MCTP2: variants seen among roughly 807,000 people sequenced by gnomAD.
MCTP2 encodes the protein multiple C2 and transmembrane domain-containing protein 2.
Under a neutral mutation model 111.6 loss-of-function variants are expected in MCTP2, and 132 were observed. The ratio of observed to expected loss-of-function variants is 1.18; its 90% CI spans 1.03 to 1.37. MCTP2 has a LOEUF of 1.37. Among genes scored for constraint, MCTP2 ranks in the 40% most tolerant of loss-of-function variants. The pLI, the probability that MCTP2 is intolerant of heterozygous loss-of-function variation, is 0.00. For synonymous variants in MCTP2, 395 were observed against 387.7 expected (o/e 1.02, Z -0.22); for missense variants, 1,183 against 1,067.9 (o/e 1.11, Z -1.50).
Position 94,315,578 on chromosome 15 carries a change from C to G in MCTP2, c.578C>G (p.Ala193Gly), listed in dbSNP as rs571941802. The G allele has an allele frequency of 1.2e-6, 2 of 1,614,010 alleles. No homozygotes were observed. Among genetic ancestry groups the G allele is most frequent in the African/African-American group, 1.3e-5 (1 of 74,922 alleles). ...TTGAGTAACCTCCCCAGCCCTTTTG[C>G]GTACCTCCTCACCATACACCTGAAG... The part of the protein sequence containing the change: ...DGLSNLPSPF[A>G]YLLTIHLKEG... The change falls in exon 4 of 23, where the codon GCG becomes GGG. Residue 193 changes from alanine (A) to glycine (G), a missense_variant. Coordinates refer to ENST00000357742, the MANE Select transcript of MCTP2 (RefSeq NM_001385001.1).
At chr15:94,235,608 G>A (rs1266434388) in intron 1 of MCTP2, among the ~76,000 whole-genome samples, 2 of 152,144 alleles carry the variant, frequency 1.3e-5, no homozygotes, top group East Asian at 1.9e-4. Flanking sequence ...CATTTATTGA[G>A]CTCTCAGGTT....
At position 94,482,407 on chromosome 15, in the gene MCTP2, A is replaced by T. The variant is rs1005790480; in HGVS notation, c.*3373A>T. The T allele has an allele frequency of 3.3e-5, 5 of 152,210 alleles. No homozygotes were observed. The highest frequency in any genetic ancestry group is 1.2e-4 in the African/African-American group (5 of 41,440). 9.4% of individuals were successfully genotyped at this position (152,210 alleles called of 1,614,324 possible). ...AGAGATAAAGTGAGCAGGACTTAAC[A>T]ATTGCTGGACTATGGGATGAGGGAG... is the stretch of plus-strand genomic sequence containing the variant. On this transcript the variant is annotated 3_prime_UTR_variant, in exon 23 of 23. Transcript: ENST00000357742.
chr15:94,340,423 A>G, intron 6 of MCTP2, 148 bp downstream of exon 6: 1 of 634,538 alleles, frequency 1.6e-6, no homozygotes, highest in Non-Finnish European at 2.7e-6. Context: ...CTGTCAGTGT[A>G]TTTTTAAGGA....
chr15:94,239,911 G>C (rs1244713313), intron 1 of MCTP2, among the ~76,000 whole-genome samples: 3 of 152,134 alleles, frequency 2.0e-5, no homozygotes, highest in African/African-American at 7.2e-5. Flanking sequence ...TAACAGACTG[G>C]TATTTGGTCC....
At chr15:94,399,744 T>C (rs530995671) in intron 15 of MCTP2, 177 bp from the exon 16 acceptor site, 73 of 592,186 alleles carry the variant, frequency 1.2e-4, no homozygotes, top group African/African-American at 1.2e-3. Flanking sequence ...GGGACTCTTA[T>C]CAAATGAGAC....
intron 17 of MCTP2, among the ~76,000 whole-genome samples, chr15:94,438,155 G>A (rs2083580802): frequency 6.6e-6 from 1 of 152,070 alleles, no homozygotes; most frequent in African/African-American, 2.4e-5. Flanking sequence ...TGTTTGCATT[G>A]ATGAGCGAGT....
intron 18 of MCTP2, among the ~76,000 whole-genome samples, 165 bp from the exon 19 acceptor site, chr15:94,442,754 A>G (rs572134657): frequency 6.6e-6 from 1 of 152,376 alleles, no homozygotes; most frequent in East Asian, 1.9e-4. Flanking sequence ...GAGTCCTGCC[A>G]CAGTGTCCCT....
At chr15:94,418,505 A>T (rs1596646448) in intron 17 of MCTP2, among the ~76,000 whole-genome samples, 1 of 152,274 alleles carries the variant, frequency 6.6e-6, no homozygotes, top group East Asian at 1.9e-4. Context: ...ATAATGAGAA[A>T]TTTATTGTCT....
At chr15:94,302,775 C>T (rs2152342143) in intron 2 of MCTP2, among the ~76,000 whole-genome samples, 1 of 152,300 alleles carries the variant, frequency 6.6e-6, no homozygotes, top group Admixed American at 6.5e-5. Context: ...CCCTGCTTTT[C>T]ATGTTTGTGG....
At position 94,440,192 on chromosome 15, in the gene MCTP2, T is replaced by C; in HGVS notation, c.2102T>C (p.Val701Ala). Residue 701 changes from valine to alanine, a missense_variant, in exon 18 of 23, where the codon GTC becomes GCC. Coordinates refer to ENST00000357742, the MANE Select transcript of MCTP2 (RefSeq NM_001385001.1). ...TIAFAVFLITVWNFELYMIPL... is the reference protein window; with the variant it reads ...TIAFAVFLITAWNFELYMIPL... The stretch of plus-strand genomic sequence containing the variant: ...TTCAATCAGGTATTTTTGATCACTG[T>C]CTGGAATTTTGAACTATATATGATC... 3 of 1,614,064 alleles carry C rather than the reference T, an allele frequency of 1.9e-6. No homozygotes were observed. Among genetic ancestry groups the C allele is most frequent in the Non-Finnish European group, 1.7e-6 (2 of 1,179,944 alleles).
At chr15:94,328,027 C>T (rs2076957507) in intron 4 of MCTP2, among the ~76,000 whole-genome samples, 1 of 152,138 alleles carries the variant, frequency 6.6e-6, no homozygotes, top group Admixed American at 6.5e-5. Flanking sequence ...TTGCCTTACA[C>T]CCAACCAAAC....
intron 1 of MCTP2, chr15:94,273,624 G>A (rs980305646): frequency 4.0e-5 from 8 of 202,298 alleles, no homozygotes; most frequent in African/African-American, 1.6e-4. Flanking sequence ...GAAATACAAT[G>A]TCTGCTCCAT....
At chr15:94,322,175 A>T (rs2076660364) in intron 4 of MCTP2, among the ~76,000 whole-genome samples, 1 of 152,214 alleles carries the variant, frequency 6.6e-6, no homozygotes, top group Non-Finnish European at 1.5e-5. Context: ...CACGGATCTA[A>T]TTAATCACAT....
chr15:94,445,164 C>T (rs1293121367), intron 19 of MCTP2, among the ~76,000 whole-genome samples: 1 of 152,176 alleles, frequency 6.6e-6, no homozygotes, highest in Non-Finnish European at 1.5e-5. Flanking sequence ...AGCCTGGGAG[C>T]TGTTGCATTC....
intron 17 of MCTP2, among the ~76,000 whole-genome samples, chr15:94,416,452 A>G (rs967718729): frequency 1.2e-4 from 19 of 152,106 alleles, no homozygotes; most frequent in African/African-American, 4.3e-4. Flanking sequence ...TCAGAAGAGC[A>G]TTTCTGTAGT....
chr15:94,308,784 C>A (rs1042305972), intron 2 of MCTP2, among the ~76,000 whole-genome samples: 2 of 152,176 alleles, frequency 1.3e-5, no homozygotes, highest in Admixed American at 1.3e-4. Context: ...GGTGAGGTCA[C>A]ATGACATTGG....
At chr15:94,450,344 G>C (rs1317745859) in intron 19 of MCTP2, among the ~76,000 whole-genome samples, 1 of 152,100 alleles carries the variant, frequency 6.6e-6, no homozygotes, top group African/African-American at 2.4e-5. Context: ...ATGTGTGTGT[G>C]CGTGTGTGTG....
chr15:94,336,385 T>C (rs1005317788), intron 4 of MCTP2, among the ~76,000 whole-genome samples: 6 of 152,166 alleles, frequency 3.9e-5, no homozygotes, highest in African/African-American at 1.4e-4. Flanking sequence ...CTTCTTGGAC[T>C]TTGTGTTATA....
At chr15:94,358,135 A>C (rs2078729237) in intron 9 of MCTP2, among the ~76,000 whole-genome samples, 1 of 152,220 alleles carries the variant, frequency 6.6e-6, no homozygotes, top group Admixed American at 6.5e-5. Flanking sequence ...TCAATTAAGC[A>C]ATTAGTGTGA....
Sources: gnomAD v4.1 joint callset for allele counts (sites outside exome capture counted in the v4.1 genomes callset) on GRCh38, gnomAD v4.1.1 for gene constraint, MANE v1.5 for transcripts, NCBI Gene and HGNC (gene_info 2026-07-23, HGNC 2026-07-21) for gene names.